The following PIWIL2 variants were observed in gnomAD, a reference collection of about 807,000 sequenced individuals.
The protein encoded by PIWIL2 is piwi like RNA-mediated gene silencing 2.
A neutral mutation model predicts 116.5 loss-of-function variants in PIWIL2; 81 were observed. The ratio of observed to expected loss-of-function variants is 0.70; its 90% CI spans 0.58 to 0.84. The LOEUF is 0.84. Among genes scored for constraint, PIWIL2 ranks in the 40% least tolerant of loss-of-function variants. The probability of loss-of-function intolerance (pLI) is 0.00; values close to 1 mark genes in which losing one functional copy is unlikely to be tolerated. For synonymous variants in PIWIL2, 489 were observed against 429.5 expected, an observed-to-expected ratio of 1.14 and a Z score of -1.71; for missense variants, 1,272 against 1,212.3, an observed-to-expected ratio of 1.05 and a Z score of -0.73.
intron 4 of PIWIL2, among the ~76,000 whole-genome samples, chr8:22,282,357 T>C (rs891960031): frequency 6.6e-6 from 1 of 150,780 alleles, no homozygotes; most frequent in African/African-American, 2.4e-5. Context: ...CCAGCTAATT[T>C]TTGTATTTTT....
intron 10 of PIWIL2, among the ~76,000 whole-genome samples, chr8:22,295,390 C>G (rs927304182): frequency 6.6e-6 from 1 of 151,876 alleles, no homozygotes; most frequent in Admixed American, 6.6e-5. Context: ...AATTTAAGCT[C>G]AAATTCACAC....
intron 6 of PIWIL2, among the ~76,000 whole-genome samples, chr8:22,286,006 G>C (rs1830620963): frequency 6.6e-6 from 1 of 152,214 alleles, no homozygotes; most frequent in African/African-American, 2.4e-5. Context: ...GTGAAGGGCA[G>C]CTGCTAGTTG....
chr8:22,298,079 A>G (rs1830954540), intron 10 of PIWIL2, among the ~76,000 whole-genome samples: 2 of 152,096 alleles, frequency 1.3e-5, no homozygotes, highest in Admixed American at 1.3e-4. Flanking sequence ...CAACATGGCA[A>G]AATCCTGTCT....
chr8:22,347,302 C>T (rs1050183518), intron 20 of PIWIL2, among the ~76,000 whole-genome samples: 1 of 151,634 alleles, frequency 6.6e-6, no homozygotes, highest in Admixed American at 6.6e-5. Context: ...GCAAGCTCCC[C>T]TTCCCGGGCT....
intron 20 of PIWIL2, chr8:22,321,931 C>G (rs1831609200): frequency 1.7e-5 from 17 of 985,118 alleles, no homozygotes; most frequent in Non-Finnish European, 2.0e-5. Context: ...TCACGGCTCG[C>G]TAGTCCAAAG....
At chr8:22,335,048 C>G (rs1399356281) in intron 20 of PIWIL2, among the ~76,000 whole-genome samples, 1 of 123,698 alleles carries the variant, frequency 8.1e-6, no homozygotes, top group Non-Finnish European at 1.7e-5. Context: ...GAGTGAGACT[C>G]TTGTCTCAAA....
intron 20 of PIWIL2, chr8:22,321,875 A>G (rs377683415): frequency 2.0e-6 from 2 of 985,000 alleles, no homozygotes; most frequent in African/African-American, 3.5e-5. Context: ...AAGTTCCAAC[A>G]CCTCCGAACA....
At chr8:22,296,933 C>T (rs559885620) in intron 10 of PIWIL2, among the ~76,000 whole-genome samples, 52 of 152,036 alleles carry the variant, frequency 3.4e-4, no homozygotes, top group African/African-American at 1.2e-3. Flanking sequence ...CTGGATTTGG[C>T]AGTTATTTTC....
At chr8:22,328,818 G>GTTTTTT (rs57027657) in intron 20 of PIWIL2, among the ~76,000 whole-genome samples, 7 of 107,150 alleles carry the variant, frequency 6.5e-5, no homozygotes, top group East Asian at 6.1e-4. Flanking sequence ...AGCTCTAGTC[G>GTTTTTT]TTTTTTTTTT....
At chr8:22,288,704 C>A (rs751528913) in intron 8 of PIWIL2, 38 bp downstream of exon 8, 1 of 1,571,716 alleles carries the variant, frequency 6.4e-7, no homozygotes, top group East Asian at 2.2e-5. Flanking sequence ...CCTGTAACTT[C>A]AGTCTTGTAT....
chr8:22,352,133 CAG>C (rs1832387645), intron 20 of PIWIL2, among the ~76,000 whole-genome samples: 1 of 150,266 alleles, frequency 6.7e-6, no homozygotes, highest in Admixed American at 6.6e-5. Context: ...TTAGTAGAAA[CAG>C]GGTTTCAGCA....
intron 15 of PIWIL2, among the ~76,000 whole-genome samples, chr8:22,310,851 T>C (rs1252747730): frequency 6.6e-6 from 1 of 152,168 alleles, no homozygotes; most frequent in Non-Finnish European, 1.5e-5. Flanking sequence ...TCTGGCTTCT[T>C]TTCTTAAATT....
chr8:22,319,288 A>G (rs1481926097), intron 20 of PIWIL2, among the ~76,000 whole-genome samples: 1 of 152,198 alleles, frequency 6.6e-6, no homozygotes, highest in Non-Finnish European at 1.5e-5. Flanking sequence ...AATACTGTTC[A>G]GTTATTAGAG....
intron 20 of PIWIL2, among the ~76,000 whole-genome samples, chr8:22,330,629 G>A (rs532370427): frequency 2.0e-3 from 298 of 151,526 alleles, no homozygotes; most frequent in Middle Eastern, 3.4e-3. Context: ...CCTGGGAGGC[G>A]GAGGTTGCAG....
chr8:22,287,438 G>A, intron 6 of PIWIL2, 90 bp from the exon 7 acceptor site: 1 of 833,070 alleles, frequency 1.2e-6, no homozygotes. Context: ...TGGAGCAGCA[G>A]TTACTGGGTA....
At chr8:22,340,176 C>G (rs1403211778) in intron 20 of PIWIL2, among the ~76,000 whole-genome samples, 1 of 151,328 alleles carries the variant, frequency 6.6e-6, no homozygotes, top group Non-Finnish European at 1.5e-5. Context: ...CCTCAGCCTC[C>G]CAAGTAGCTG....
At chr8:22,343,303 G>C (rs150499456) in intron 20 of PIWIL2, among the ~76,000 whole-genome samples, 1 of 152,116 alleles carries the variant, frequency 6.6e-6, no homozygotes, top group East Asian at 1.9e-4. Context: ...TCCTGGTGGC[G>C]CATGCCTGTA....
chr8:22,327,015 G>GT (rs1279776913), intron 20 of PIWIL2, among the ~76,000 whole-genome samples: 151 of 116,642 alleles, frequency 1.3e-3, no homozygotes, highest in Non-Finnish European at 1.8e-3. Context: ...GCTATTTTCT[G>GT]TTTTTTTACT....
chr8:22,290,456 C>T, intron 10 of PIWIL2, 110 bp downstream of exon 10: 3 of 636,364 alleles, frequency 4.7e-6, no homozygotes, highest in East Asian at 3.0e-5. Flanking sequence ...TGTTTTTTCC[C>T]CCAGAGACAG....
Sources: allele counts gnomAD v4.1 joint callset (sites outside exome capture counted in the v4.1 genomes callset), GRCh38; gene constraint gnomAD v4.1.1; transcripts MANE v1.5; gene names NCBI Gene and HGNC (gene_info 2026-07-23, HGNC 2026-07-21).